The following UST variants were observed in gnomAD, a reference collection of about 807,000 sequenced individuals.
UST encodes the protein uronyl 2-sulfotransferase.
In UST, 21 loss-of-function variants were observed where a neutral mutation model predicts 45.6. The ratio of observed to expected loss-of-function variants is 0.46; its 90% CI spans 0.33 to 0.66. UST has a LOEUF of 0.66. Among genes scored for constraint, UST ranks in the 30% least tolerant of loss-of-function variants. UST has a pLI of 0.02. For missense variants in UST, 463 were observed against 512.4 expected, an observed-to-expected ratio of 0.90 and a Z score of 0.93; for synonymous variants, 215 against 200.6, an observed-to-expected ratio of 1.07 and a Z score of -0.61.
intron 1 of UST, among the ~76,000 whole-genome samples, chr6:148,831,734 G>A (rs1388360918): frequency 6.6e-6 from 1 of 152,168 alleles, no homozygotes; most frequent in East Asian, 1.9e-4. Context: ...GTTTAAGGCT[G>A]CAGAGAGCTA....
chr6:148,800,643 C>G lies in UST; in HGVS notation c.247+52966C>G, dbSNP rs528104030. Among the ~76,000 whole-genome samples, 198 of 151,792 alleles carry G rather than the reference C, an allele frequency of 1.3e-3. 5 individuals are homozygous for G. In the South Asian group the frequency reaches 0.023, roughly 18 times the overall value. On this transcript the variant is annotated intron_variant, in intron 1 of 7. Coordinates refer to ENST00000367463, the MANE Select transcript of UST (RefSeq NM_005715.3). ...TTTGTATCATCTCTGATTCACAATT[C>G]GAGGGATTGCCAAAAAAAAAGGGGT...
At chr6:149,010,785 C>T (rs1328351292) in intron 5 of UST, among the ~76,000 whole-genome samples, 1 of 150,484 alleles carries the variant, frequency 6.6e-6, no homozygotes, top group Non-Finnish European at 1.5e-5. Context: ...CCCAACTACT[C>T]AGGAGGCTGA....
At chr6:149,045,255 G>T (rs193236756) in intron 7 of UST, among the ~76,000 whole-genome samples, 2 of 152,124 alleles carry the variant, frequency 1.3e-5, no homozygotes, top group African/African-American at 4.8e-5. Flanking sequence ...GTGAAACTGG[G>T]TTTTTATTTT....
intron 1 of UST, among the ~76,000 whole-genome samples, chr6:148,808,446 T>C (rs1490225623): frequency 6.6e-6 from 1 of 151,878 alleles, no homozygotes; most frequent in Non-Finnish European, 1.5e-5. Flanking sequence ...GGCTTTCTAC[T>C]CCTGCCCTGG....
At chr6:148,837,272 A>G (rs1044421470) in intron 1 of UST, among the ~76,000 whole-genome samples, 1 of 152,196 alleles carries the variant, frequency 6.6e-6, no homozygotes, top group African/African-American at 2.4e-5. Context: ...TCTTCTCCAA[A>G]TTGAACTTAT....
intron 2 of UST, among the ~76,000 whole-genome samples, chr6:148,911,854 A>T (rs941748828): frequency 2.0e-5 from 3 of 152,218 alleles, no homozygotes; most frequent in Non-Finnish European, 4.4e-5. Flanking sequence ...GGATGGAGAA[A>T]GTGGTAAACA....
chr6:148,879,271 C>T (rs982112234), intron 1 of UST, among the ~76,000 whole-genome samples: 5 of 152,180 alleles, frequency 3.3e-5, no homozygotes, highest in South Asian at 2.1e-4. Flanking sequence ...TGATCATCCA[C>T]GCTCCATCAG....
rs1269749312 is a variant in UST at position 148,782,166 on chromosome 6, CTCTGATGGA to C, written c.247+34494_247+34502del. Among the ~76,000 whole-genome samples the C allele has an allele frequency of 2.6e-5, 4 of 151,900 alleles. No homozygotes were observed. In the East Asian group the frequency reaches 7.7e-4, roughly 29 times the overall value. ...ATATAGCTGCCATGGATAGTGATTC[CTCTGATGGA>C]TCTGGGCAAAGTACATTGAAAATCC... On this transcript the variant is annotated intron_variant, in intron 1 of 7. Coordinates refer to ENST00000367463, the MANE Select transcript of UST (RefSeq NM_005715.3).
intron 1 of UST, among the ~76,000 whole-genome samples, chr6:148,840,299 C>G (rs1364461878): frequency 4.6e-5 from 7 of 152,160 alleles, no homozygotes; most frequent in African/African-American, 1.7e-4. Flanking sequence ...CTCCCAGACC[C>G]TCAGCCCCAT....
chr6:148,777,813 C>G (rs1038845927), intron 1 of UST, among the ~76,000 whole-genome samples: 3 of 152,178 alleles, frequency 2.0e-5, no homozygotes, highest in Admixed American at 6.5e-5. Flanking sequence ...TCCGTAATCC[C>G]AAAGTGTTGG....
At chr6:148,949,286 G>A (rs547958621) in intron 3 of UST, among the ~76,000 whole-genome samples, 6 of 142,024 alleles carry the variant, frequency 4.2e-5, no homozygotes, top group East Asian at 2.1e-4. Flanking sequence ...GTGAGACTTC[G>A]TCTCAAAATA....
intron 2 of UST, among the ~76,000 whole-genome samples, chr6:148,915,976 A>G (rs1245899564): frequency 1.4e-5 from 2 of 139,664 alleles, no homozygotes; most frequent in African/African-American, 2.5e-5. Flanking sequence ...ACATGAAACA[A>G]ATAGCTTCTC....
chr6:148,775,625 AAT>A, intron 1 of UST, among the ~76,000 whole-genome samples: 1 of 144,386 alleles, frequency 6.9e-6, no homozygotes, highest in South Asian at 2.2e-4. Flanking sequence ...TTTTTAATTA[AAT>A]TTTTTTTTTT....
rs971130527 is a variant in UST at position 148,990,082 on chromosome 6, C to T, written c.681+25519C>T. Among the ~76,000 whole-genome samples the T allele has an allele frequency of 3.9e-5, 6 of 152,266 alleles. No homozygotes were observed. In the South Asian group the frequency reaches 8.3e-4, roughly 21 times the overall value. The stretch of plus-strand genomic sequence containing the variant: ...TCTTTTAAATATTTTATTTGGAGTT[C>T]GGCATTACAGTCAGGACAACCTACA... On this transcript the variant is annotated intron_variant, in intron 5 of 7. Transcript: ENST00000367463.
rs373395926 is a variant in UST at position 149,073,985 on chromosome 6, C to G, written c.1090C>G (p.Leu364Val). ...QFHLLKRKFG[L>V]KSHVSKPPLR... is the part of the protein sequence containing the mutation. ...CCACCTGCTGAAGCGCAAGTTTGGA[C>G]TTAAGTCTCACGTCAGCAAGCCCCC... The change falls in exon 8 of 8, where the codon CTT (leucine) becomes GTT (valine). Residue 364 changes from leucine to valine, a missense_variant. By Grantham distance (32) the Leu-to-Val change is conservative. This residue lies in a region of UST where 287 missense variants were observed against 374.2 expected (regional missense o/e 0.77). Coordinates refer to ENST00000367463, the MANE Select transcript of UST (RefSeq NM_005715.3). The G allele has an allele frequency of 1.2e-4, 191 of 1,614,206 alleles. No homozygotes were observed. Among genetic ancestry groups the G allele is most frequent in the Non-Finnish European group, 1.6e-4 (185 of 1,180,028 alleles).
At position 148,841,533 on chromosome 6, in the gene UST, A is replaced by AT. The variant is rs555155530; in HGVS notation, c.248-45449dup. On this transcript the variant is annotated intron_variant, in intron 1 of 7. Transcript: ENST00000367463. ...ATTTAAAAATTTCAAAGCACTTTTC[A>AT]TTTTCTCCCTAGCTGTGCTTTATAA... 2.8e-3 allele frequency among the ~76,000 whole-genome samples: 399 copies of AT among 144,782 alleles called. 5 individuals are homozygous for AT. Among genetic ancestry groups the AT allele is most frequent in the African/African-American group, 9.8e-3 (379 of 38,834 alleles). The allele number at this position is 144,782 out of a possible 152,430, so 95.0% of individuals were successfully genotyped here. A position where few individuals can be genotyped will look rare whatever the true frequency, so the allele number is the denominator to read the frequency against.
chr6:148,755,075 T>C (rs750586472), intron 1 of UST, among the ~76,000 whole-genome samples: 5 of 152,256 alleles, frequency 3.3e-5, no homozygotes, highest in Non-Finnish European at 7.3e-5. Flanking sequence ...GAACAGCAGA[T>C]TATAGTACAA....
At chr6:148,969,410 T>A (rs901960802) in intron 5 of UST, among the ~76,000 whole-genome samples, 3 of 152,200 alleles carry the variant, frequency 2.0e-5, no homozygotes, top group Admixed American at 1.3e-4. Flanking sequence ...GGGCCCAAGA[T>A]AAGGTGTATT....
chr6:148,761,949 G>GA (rs1461469145), intron 1 of UST, among the ~76,000 whole-genome samples: 1 of 152,198 alleles, frequency 6.6e-6, no homozygotes, highest in Non-Finnish European at 1.5e-5. Context: ...AACGATTCCA[G>GA]AAAACCACAT....
Sources: gnomAD v4.1 joint callset for allele counts (sites outside exome capture counted in the v4.1 genomes callset) on GRCh38, gnomAD v4.1.1 for gene constraint, gnomAD v4.1.1 regional missense constraint, MANE v1.5 for transcripts, NCBI Gene and HGNC (gene_info 2026-07-23, HGNC 2026-07-21) for gene names.